Variants in RIMS1 observed in about 807,000 individuals in gnomAD.
The protein encoded by RIMS1 is regulating synaptic membrane exocytosis 1.
Under a neutral mutation model 214.1 loss-of-function variants are expected in RIMS1, and 83 were observed. The ratio of observed to expected loss-of-function variants is 0.39; its 90% CI spans 0.32 to 0.47. The LOEUF (loss-of-function observed/expected upper bound fraction) is 0.47, where lower values mean the gene tolerates loss of function less well. Ranked by LOEUF, RIMS1 falls within the 20% of genes least tolerant of loss-of-function variation. RIMS1 has a pLI of 0.99. For missense variants in RIMS1, 2,050 were observed against 2,161.8 expected, an observed-to-expected ratio of 0.95 and a Z score of 1.03; for synonymous variants, 793 against 786.8, an observed-to-expected ratio of 1.01 and a Z score of -0.13.
intron 6 of RIMS1, among the ~76,000 whole-genome samples, chr6:72,225,916 T>G (rs1266089659): frequency 6.6e-6 from 1 of 152,174 alleles, no homozygotes; most frequent in Admixed American, 6.6e-5. Flanking sequence ...AATTTCTCAG[T>G]TATTAGGCCT....
intron 2 of RIMS1, among the ~76,000 whole-genome samples, chr6:72,055,862 CA>C (rs1269306815): frequency 1.3e-5 from 2 of 152,052 alleles, no homozygotes; most frequent in Non-Finnish European, 2.9e-5. Flanking sequence ...GGTTATTTCC[CA>C]AAGAACTTAA....
intron 2 of RIMS1, among the ~76,000 whole-genome samples, chr6:71,985,991 A>G (rs1389367986): frequency 6.6e-6 from 1 of 152,126 alleles, no homozygotes; most frequent in Non-Finnish European, 1.5e-5. Flanking sequence ...GTCATCCTTT[A>G]TTACACTTAG....
chr6:72,107,986 T>G (rs948589399), intron 4 of RIMS1, among the ~76,000 whole-genome samples: 1 of 151,036 alleles, frequency 6.6e-6, no homozygotes, highest in African/African-American at 2.4e-5. Flanking sequence ...TTCCATTCTG[T>G]TTTTTTGTTT....
At chr6:72,182,161 A>G (rs1196776424) in intron 5 of RIMS1, 123 bp from the exon 6 acceptor site, 1 of 1,093,560 alleles carries the variant, frequency 9.1e-7, no homozygotes, top group African/African-American at 1.6e-5. Flanking sequence ...CCACCTTCAG[A>G]TCCAAATCCC....
intron 1 of RIMS1, among the ~76,000 whole-genome samples, chr6:71,905,997 C>T (rs983733701): frequency 3.3e-5 from 5 of 152,144 alleles, no homozygotes; most frequent in African/African-American, 9.7e-5. Context: ...TCCCTGTCCT[C>T]CTTATGCCTG....
chr6:72,026,517 G>A (rs1402550767), intron 2 of RIMS1, among the ~76,000 whole-genome samples: 1 of 130,008 alleles, frequency 7.7e-6, no homozygotes, highest in East Asian at 2.3e-4. Flanking sequence ...ATCTACCAAT[G>A]TGGAGTCCAT....
At chr6:71,985,710 C>T (rs774808198) in intron 2 of RIMS1, among the ~76,000 whole-genome samples, 6 of 152,090 alleles carry the variant, frequency 3.9e-5, no homozygotes, top group South Asian at 2.1e-4. Flanking sequence ...GAGAAACAGC[C>T]GTTAAACATT....
At chr6:72,103,692 G>A (rs890350929) in intron 4 of RIMS1, among the ~76,000 whole-genome samples, 1 of 151,952 alleles carries the variant, frequency 6.6e-6, no homozygotes, top group African/African-American at 2.4e-5. Flanking sequence ...GGAATTACTG[G>A]GTCACATGAA....
intron 4 of RIMS1, among the ~76,000 whole-genome samples, chr6:72,144,620 C>CAA (rs751919430): frequency 7.1e-6 from 1 of 141,286 alleles, no homozygotes; most frequent in East Asian, 2.0e-4. Flanking sequence ...TCTTCTTTTC[C>CAA]AAAAAAAAAA....
intron 26 of RIMS1, 57 bp from the exon 27 acceptor site, chr6:72,307,201 C>A: frequency 9.4e-7 from 1 of 1,066,698 alleles, no homozygotes; most frequent in Non-Finnish European, 1.4e-6. Context: ...TTAAACCATT[C>A]AGTTCCTGAA....
At chr6:71,967,591 C>G (rs1794803382) in intron 1 of RIMS1, among the ~76,000 whole-genome samples, 2 of 152,144 alleles carry the variant, frequency 1.3e-5, no homozygotes, top group Admixed American at 1.3e-4. Context: ...GCATGATTGG[C>G]CTTCTCCCAC....
rs1239328705 is a variant in RIMS1, at chr6:72,040,651, T to A, written c.246-56298T>A. Among the ~76,000 whole-genome samples, 10 of 152,038 alleles carry A rather than the reference T, an allele frequency of 6.6e-5. No homozygotes were observed. The South Asian group carries it at 1.9e-3, about 28-fold the overall frequency. Reference sequence around the variant, plus strand: ...TTTAGGATGAGATGTCTCAGCAAGCTACAGAATCTACAATTAAAAGAATAT... The same window carrying A: ...TTTAGGATGAGATGTCTCAGCAAGCAACAGAATCTACAATTAAAAGAATAT... On this transcript the variant is annotated intron_variant, in intron 2 of 33. Transcript: ENST00000521978.
intron 6 of RIMS1, among the ~76,000 whole-genome samples, chr6:72,231,315 G>A (rs913600891): frequency 1.3e-5 from 2 of 151,556 alleles, no homozygotes; most frequent in Non-Finnish European, 3.0e-5. Context: ...TTAAGCAAAA[G>A]TGTTATATTT....
Position 72,182,717 on chromosome 6 carries a change from G to A in RIMS1, c.1246G>A (p.Ala416Thr). 2 of 1,516,452 alleles carry A rather than the reference G, an allele frequency of 1.3e-6. No homozygotes were observed. The highest frequency in any genetic ancestry group is 1.8e-6 in the Non-Finnish European group (2 of 1,137,352). 93.9% of individuals were successfully genotyped at this position (1,516,452 alleles called of 1,614,324 possible). A position where few individuals can be genotyped will look rare whatever the true frequency, so the allele number is the denominator to read the frequency against. Residue 416 changes from alanine to threonine, a missense_variant, in exon 6 of 34, where the codon GCA becomes ACA. Transcript: ENST00000521978. ...CAAGGCCGGCAAACGCGCGCCGGCGGCAGCCAGGGCCTCGCCGCCGGACTC... is the reference window on the plus strand; with the variant it reads ...CAAGGCCGGCAAACGCGCGCCGGCGACAGCCAGGGCCTCGCCGCCGGACTC... ...EGKAGKRAPA[A>T]ARASPPDSPR...
intron 4 of RIMS1, chr6:72,175,233 A>T (rs1018314114): frequency 3.4e-5 from 6 of 175,034 alleles, no homozygotes; most frequent in African/African-American, 1.2e-4. Flanking sequence ...TTCATTGAAA[A>T]TTGATCTTAA....
At chr6:72,345,138 A>G (rs964468670) in intron 29 of RIMS1, among the ~76,000 whole-genome samples, 3 of 151,798 alleles carry the variant, frequency 2.0e-5, no homozygotes, top group African/African-American at 7.2e-5. Context: ...GTGTCTGATT[A>G]TTTTTAAGAT....
chr6:72,348,008 TTAGA>T (rs1325254832), intron 29 of RIMS1, among the ~76,000 whole-genome samples: 1 of 151,870 alleles, frequency 6.6e-6, no homozygotes, highest in Non-Finnish European at 1.5e-5. Flanking sequence ...TAAACGTCTG[TTAGA>T]TAGGTGAATG....
intron 29 of RIMS1, among the ~76,000 whole-genome samples, chr6:72,389,055 T>G (rs2098660311): frequency 6.6e-6 from 1 of 152,146 alleles, no homozygotes; most frequent in Non-Finnish European, 1.5e-5. Flanking sequence ...AGGAAGTAAG[T>G]GTAGAAGAAA....
intron 2 of RIMS1, among the ~76,000 whole-genome samples, chr6:72,059,693 T>TA (rs1476170079): frequency 1.7e-4 from 26 of 152,370 alleles, no homozygotes; most frequent in Non-Finnish European, 3.7e-4. Context: ...AAAATCATTC[T>TA]AATGTACTTA....
Sources: gnomAD v4.1 joint callset for allele counts (sites outside exome capture counted in the v4.1 genomes callset) on GRCh38, gnomAD v4.1.1 for gene constraint, MANE v1.5 for transcripts, NCBI Gene and HGNC (gene_info 2026-07-23, HGNC 2026-07-21) for gene names.